CAST: variants seen among roughly 807,000 people sequenced by gnomAD.
The protein encoded by CAST is calpastatin, also known as MIR583 host.
A neutral mutation model predicts 119.6 loss-of-function variants in CAST; 76 were observed. The ratio of observed to expected loss-of-function variants is 0.64; its 90% CI spans 0.53 to 0.77. The LOEUF is 0.77. CAST is among the 30% of genes least tolerant of loss of function. The pLI, the probability that CAST is intolerant of heterozygous loss-of-function variation, is 0.00. For missense variants in CAST, 953 were observed against 946.5 expected (o/e 1.01, Z -0.09); for synonymous variants, 319 against 331.6 (o/e 0.96, Z 0.41).
the CAST span, among the ~76,000 whole-genome samples, chr5:96,379,306 C>A: frequency 6.6e-6 from 1 of 152,104 alleles, no homozygotes; most frequent in African/African-American, 2.4e-5. Context: ...TTAATTTTGG[C>A]CCTCATCTAG....
Position 96,747,407 on chromosome 5 carries a change from T to C in CAST, c.1332+15T>C. 1 of 1,520,912 alleles carries C rather than the reference T, an allele frequency of 6.6e-7. No individual in the cohort carries two copies. The highest frequency in any genetic ancestry group is 9.1e-7 in the Non-Finnish European group (1 of 1,096,142). The allele number at this position is 1,520,912 out of a possible 1,614,324, so 94.2% of individuals were successfully genotyped here. On this transcript the variant is annotated intron_variant, in intron 18 of 31. Transcript: ENST00000675179. ...AAAAACCCAAGGTTAGGAAATACAT[T>C]TTTTTCTGATACTTAAAGAACAATA...
chr5:96,241,532 A>G, the CAST span, among the ~76,000 whole-genome samples: 3 of 149,452 alleles, frequency 2.0e-5, no homozygotes, highest in Non-Finnish European at 3.0e-5. Flanking sequence ...ATACATGTGC[A>G]TGTGTCTTTA....
At chr5:96,299,355 C>CA in the CAST span, among the ~76,000 whole-genome samples, 13 of 151,752 alleles carry the variant, frequency 8.6e-5, no homozygotes, top group African/African-American at 3.2e-4. Context: ...AATGAAGCAC[C>CA]AAAAAAAGAA....
the CAST span, among the ~76,000 whole-genome samples, chr5:96,069,385 A>ATGTGTGTG: frequency 2.1e-5 from 2 of 96,104 alleles, no homozygotes; most frequent in African/African-American, 1.0e-4. Context: ...GTGTGTGTCT[A>ATGTGTGTG]TGTGTGTGTG....
chr5:96,576,826 T>C (rs1191897370), intron 1 of CAST, among the ~76,000 whole-genome samples: 1 of 152,102 alleles, frequency 6.6e-6, no homozygotes, highest in African/African-American at 2.4e-5. Context: ...CTGACCTCTT[T>C]CCAGTTTTAT....
At chr5:96,038,369 CTT>C in the CAST span, among the ~76,000 whole-genome samples, 1 of 151,658 alleles carries the variant, frequency 6.6e-6, no homozygotes, top group East Asian at 1.9e-4. Flanking sequence ...ATACCCATTC[CTT>C]TTTTTTAAAA....
chr5:96,041,367 T>C, the CAST span, among the ~76,000 whole-genome samples: 1 of 152,048 alleles, frequency 6.6e-6, no homozygotes, highest in Non-Finnish European at 1.5e-5. Flanking sequence ...ATCCAACAAA[T>C]ACTTGACCAG....
At chr5:96,003,687 G>A in the CAST span, among the ~76,000 whole-genome samples, 33 of 152,232 alleles carry the variant, frequency 2.2e-4, no homozygotes, top group Non-Finnish European at 4.1e-4. Flanking sequence ...ACTTAGATGT[G>A]TTGATGGTGT....
chr5:96,498,599 G>A, the CAST span, among the ~76,000 whole-genome samples: 2 of 152,302 alleles, frequency 1.3e-5, no homozygotes, highest in Non-Finnish European at 2.9e-5. Context: ...CTTGAATAAA[G>A]TAGCAGTGTG....
At chr5:96,473,208 C>T in the CAST span, among the ~76,000 whole-genome samples, 1 of 152,194 alleles carries the variant, frequency 6.6e-6, no homozygotes, top group Non-Finnish European at 1.5e-5. Flanking sequence ...GGAGGACACC[C>T]ACTCCAGTCA....
At chr5:96,561,796 G>GTTTTTTTGTTTTTTTTTTTTTTTTTTTTT (rs1267067922) in intron 1 of CAST, among the ~76,000 whole-genome samples, 5 of 97,422 alleles carry the variant, frequency 5.1e-5, no homozygotes, top group African/African-American at 7.7e-5. Context: ...GTTTTTTTTT[G>GTTTTTTTGTTTTTTTTTTTTTTTTTTTTT]TTTTTTTTTT....
intron 3 of CAST, among the ~76,000 whole-genome samples, chr5:96,722,001 C>G (rs1233992958): frequency 1.3e-5 from 2 of 152,216 alleles, no homozygotes; most frequent in Non-Finnish European, 2.9e-5. Flanking sequence ...ACTGAACGGA[C>G]AGTTCACATC....
chr5:96,405,458 G>A, the CAST span, among the ~76,000 whole-genome samples: 7 of 152,170 alleles, frequency 4.6e-5, no homozygotes, highest in Admixed American at 1.3e-4. Context: ...ATCAGAGACT[G>A]AGATTAATGA....
At chr5:96,563,229 T>G (rs954993465) in intron 1 of CAST, among the ~76,000 whole-genome samples, 1 of 152,204 alleles carries the variant, frequency 6.6e-6, no homozygotes, top group Non-Finnish European at 1.5e-5. Context: ...GTTTAACTAT[T>G]TCTTTGGGTC....
the CAST span, among the ~76,000 whole-genome samples, chr5:96,008,372 T>C: frequency 6.6e-6 from 1 of 152,242 alleles, no homozygotes; most frequent in Admixed American, 6.5e-5. Flanking sequence ...AATATCCTTA[T>C]GTTTATATGC....
At chr5:96,477,857 T>C in the CAST span, among the ~76,000 whole-genome samples, 9 of 152,244 alleles carry the variant, frequency 5.9e-5, no homozygotes, top group African/African-American at 2.2e-4. Flanking sequence ...ATTTTCCTCA[T>C]CAAGCAAACC....
intron 1 of CAST, among the ~76,000 whole-genome samples, chr5:96,571,983 A>C (rs931634545): frequency 1.3e-5 from 2 of 152,256 alleles, no homozygotes; most frequent in African/African-American, 2.4e-5. Context: ...AGAATGAATG[A>C]ATGGACACAT....
the CAST span, among the ~76,000 whole-genome samples, chr5:96,442,011 C>T: frequency 6.6e-6 from 1 of 152,176 alleles, no homozygotes; most frequent in African/African-American, 2.4e-5. Context: ...CTATTGGCTT[C>T]TCACTACACC....
the CAST span, among the ~76,000 whole-genome samples, chr5:96,446,483 A>G: frequency 1.3e-5 from 2 of 152,232 alleles, no homozygotes; most frequent in Non-Finnish European, 2.9e-5. Context: ...TGAGATATTA[A>G]CCAGGGTTCC....
Sources: allele counts gnomAD v4.1 joint callset (sites outside exome capture counted in the v4.1 genomes callset), GRCh38; gene constraint gnomAD v4.1.1; transcripts MANE v1.5; gene names NCBI Gene and HGNC (gene_info 2026-07-23, HGNC 2026-07-21).